The following PEBP4 variants were observed in gnomAD, a reference collection of about 807,000 sequenced individuals.
The protein encoded by PEBP4 is phosphatidylethanolamine binding protein 4, also known as phosphatidylethanolamine-binding protein 4.
A neutral mutation model predicts 23.9 loss-of-function variants in PEBP4; 22 were observed. The observed-to-expected ratio is 0.92, with a 90% CI of 0.66 to 1.31. The LOEUF (loss-of-function observed/expected upper bound fraction) is 1.31, where lower values mean the gene tolerates loss of function less well. PEBP4 is among the 40% of genes most tolerant of loss of function. The pLI, the probability that PEBP4 is intolerant of heterozygous loss-of-function variation, is 0.00. For synonymous variants in PEBP4, 112 were observed against 99.3 expected (o/e 1.13, Z -0.76); for missense variants, 324 against 281.7 (o/e 1.15, Z -1.07).
At chr8:22,839,139 C>T (rs557998803) in intron 3 of PEBP4, among the ~76,000 whole-genome samples, 1 of 152,320 alleles carries the variant, frequency 6.6e-6, no homozygotes, top group Non-Finnish European at 1.5e-5. Flanking sequence ...AGATTCCGGC[C>T]TGCAAAGGTG....
chr8:22,858,759 C>T (rs766480146), intron 3 of PEBP4, among the ~76,000 whole-genome samples: 3 of 152,116 alleles, frequency 2.0e-5, no homozygotes, highest in Non-Finnish European at 4.4e-5. Flanking sequence ...CCAGCCTAGC[C>T]AACATGGTGA....
At chr8:22,834,533 G>A (rs900363887) in intron 3 of PEBP4, among the ~76,000 whole-genome samples, 39 of 152,224 alleles carry the variant, frequency 2.6e-4, no homozygotes, top group Non-Finnish European at 2.4e-4. Context: ...GTATTGTGCA[G>A]TTGCTGTGGA....
chr8:22,798,240 C>T (rs1806305880), intron 4 of PEBP4, among the ~76,000 whole-genome samples: 1 of 152,174 alleles, frequency 6.6e-6, no homozygotes, highest in African/African-American at 2.4e-5. Context: ...CTTGCTAATT[C>T]TGGAGAGAAT....
At chr8:22,903,230 C>T (rs1190843033) in intron 3 of PEBP4, among the ~76,000 whole-genome samples, 2 of 152,132 alleles carry the variant, frequency 1.3e-5, no homozygotes, top group African/African-American at 2.4e-5. Flanking sequence ...AGACAGCTGG[C>T]GTTGAAATCC....
chr8:22,828,219 C>T (rs1807013557), intron 3 of PEBP4, among the ~76,000 whole-genome samples: 1 of 152,150 alleles, frequency 6.6e-6, no homozygotes, highest in South Asian at 2.1e-4. Context: ...TGGAACTCTG[C>T]TCTGATCAGC....
intron 4 of PEBP4, among the ~76,000 whole-genome samples, chr8:22,780,166 G>A (rs1805886995): frequency 6.6e-6 from 1 of 152,144 alleles, no homozygotes; most frequent in Admixed American, 6.5e-5. Context: ...TGTTCACCAT[G>A]TTGCTCAGGC....
chr8:22,916,378 CCT>C (rs1006601517), intron 3 of PEBP4, among the ~76,000 whole-genome samples: 31 of 152,192 alleles, frequency 2.0e-4, no homozygotes, highest in African/African-American at 7.5e-4. Context: ...TACTTCCACA[CCT>C]CTCTCGCTCA....
intron 3 of PEBP4, among the ~76,000 whole-genome samples, chr8:22,841,197 G>C (rs1807320904): frequency 6.6e-6 from 1 of 152,248 alleles, no homozygotes; most frequent in Non-Finnish European, 1.5e-5. Context: ...AAGTAGCAAA[G>C]GCAAAAATCA....
intron 4 of PEBP4, among the ~76,000 whole-genome samples, chr8:22,743,880 C>T (rs1334892061): frequency 2.6e-5 from 4 of 152,274 alleles, no homozygotes; most frequent in Admixed American, 6.5e-5. Context: ...GGGGCTGGCC[C>T]GCTGAATCAC....
intron 3 of PEBP4, chr8:22,897,761 A>C (rs1419721963): frequency 6.6e-6 from 1 of 152,074 alleles, no homozygotes; most frequent in Non-Finnish European, 1.5e-5. Flanking sequence ...CATCTCCTAA[A>C]CCTGCTCTTC....
At chr8:22,752,837 C>A (rs1335501156) in intron 4 of PEBP4, among the ~76,000 whole-genome samples, 1 of 152,250 alleles carries the variant, frequency 6.6e-6, no homozygotes, top group Non-Finnish European at 1.5e-5. Flanking sequence ...TTCTGCCTAA[C>A]TCCCCATGCA....
intron 3 of PEBP4, among the ~76,000 whole-genome samples, chr8:22,870,348 C>A (rs563650159): frequency 6.6e-6 from 1 of 152,106 alleles, no homozygotes; most frequent in Admixed American, 6.6e-5. Context: ...AGATTACATG[C>A]GGTAGGATCC....
chr8:22,889,527 C>T (rs761388731), intron 3 of PEBP4, among the ~76,000 whole-genome samples: 19 of 152,100 alleles, frequency 1.2e-4, no homozygotes, highest in Non-Finnish European at 2.6e-4. Flanking sequence ...CTAAGGAAGT[C>T]GTCAAAGCAC....
intron 3 of PEBP4, among the ~76,000 whole-genome samples, chr8:22,889,238 G>C (rs1228543459): frequency 1.3e-5 from 2 of 152,208 alleles, no homozygotes; most frequent in Non-Finnish European, 2.9e-5. Flanking sequence ...TGAAATCAGA[G>C]CTCGGGAGAG....
chr8:22,804,305 T>C (rs1012431463), intron 4 of PEBP4, among the ~76,000 whole-genome samples: 1 of 152,126 alleles, frequency 6.6e-6, no homozygotes, highest in Admixed American at 6.5e-5. Flanking sequence ...CACTCCACCC[T>C]GGGCAACAGA....
intron 4 of PEBP4, among the ~76,000 whole-genome samples, chr8:22,744,201 C>T (rs1241538477): frequency 6.6e-6 from 1 of 152,264 alleles, no homozygotes; most frequent in South Asian, 2.1e-4. Flanking sequence ...ATGCAATCTT[C>T]TTGCCATAGA....
chr8:22,834,779 G>C (rs1477189662), intron 3 of PEBP4, among the ~76,000 whole-genome samples: 2 of 152,296 alleles, frequency 1.3e-5, no homozygotes, highest in East Asian at 3.9e-4. Context: ...GAATGTGAAT[G>C]GGATGTTGGT....
intron 4 of PEBP4, 81 bp from the exon 5 acceptor site, chr8:22,727,301 T>C: frequency 2.2e-6 from 3 of 1,383,140 alleles, no homozygotes; most frequent in East Asian, 2.3e-5. Flanking sequence ...ATTGCTTCTC[T>C]CTCTGCAGGA....
At chr8:22,762,628 G>A (rs909900386) in intron 4 of PEBP4, among the ~76,000 whole-genome samples, 4 of 152,108 alleles carry the variant, frequency 2.6e-5, no homozygotes, top group Non-Finnish European at 2.9e-5. Context: ...TTCCCATGCC[G>A]TTGCAGAGAA....
Sources: allele counts gnomAD v4.1 joint callset (sites outside exome capture counted in the v4.1 genomes callset), GRCh38; gene constraint gnomAD v4.1.1; transcripts MANE v1.5; gene names NCBI Gene and HGNC (gene_info 2026-07-23, HGNC 2026-07-21).